The following IL15 variants were observed in gnomAD, a reference collection of about 807,000 sequenced individuals.
The protein encoded by IL15 is interleukin-15.
A neutral mutation model predicts 19.6 loss-of-function variants in IL15; 11 were observed. That is an observed-to-expected ratio of 0.56 (90% CI 0.35 to 0.93). IL15 has a LOEUF of 0.93. Among genes scored for constraint, IL15 ranks in the 40% least tolerant of loss-of-function variants. The probability of loss-of-function intolerance (pLI) is 0.01; values close to 1 mark genes in which losing one functional copy is unlikely to be tolerated. For missense variants in IL15, 197 were observed against 186.5 expected (o/e 1.06, Z -0.33); for synonymous variants, 58 against 59.6 (o/e 0.97, Z 0.12).
chr4:141,651,799 G>T (rs1727416729), intron 1 of IL15, among the ~76,000 whole-genome samples: 1 of 151,986 alleles, frequency 6.6e-6, no homozygotes, highest in Admixed American at 6.6e-5. Flanking sequence ...AGTTAATAAT[G>T]CAGGCTTAGT....
intron 2 of IL15, among the ~76,000 whole-genome samples, chr4:141,685,094 T>C (rs930800833): frequency 6.6e-6 from 1 of 152,194 alleles, no homozygotes; most frequent in Non-Finnish European, 1.5e-5. Flanking sequence ...TTTATTAAAC[T>C]TCTGTCATGT....
chr4:141,730,200 C>G (rs1730406563), intron 7 of IL15, among the ~76,000 whole-genome samples: 1 of 152,064 alleles, frequency 6.6e-6, no homozygotes, highest in Non-Finnish European at 1.5e-5. Context: ...AGAATAATGC[C>G]AGGTAGTGTG....
At position 141,733,217 on chromosome 4, in the gene IL15, A is replaced by G. The variant is rs1560943726; in HGVS notation, c.*369A>G. ...TTTGTTTAAGGGTGATAGTCAAATT[A>G]TGTATTGGTGGGGCTGGGTACCAAT... On this transcript the variant is annotated 3_prime_UTR_variant, in exon 8 of 8. Coordinates refer to ENST00000320650, the MANE Select transcript of IL15 (RefSeq NM_000585.5). 1 of 176,916 alleles carries G rather than the reference A, an allele frequency of 5.7e-6. No individual in the cohort carries two copies. The highest frequency in any genetic ancestry group is 1.2e-5 in the Non-Finnish European group (1 of 85,834). The allele number at this position is 176,916 out of a possible 1,614,324, so 11.0% of individuals were successfully genotyped here. A position where few individuals can be genotyped will look rare whatever the true frequency, so the allele number is the denominator to read the frequency against.
chr4:141,705,674 T>C (rs1403602434), intron 2 of IL15, among the ~76,000 whole-genome samples: 2 of 152,098 alleles, frequency 1.3e-5, no homozygotes, highest in African/African-American at 2.4e-5. Flanking sequence ...AAGTGGTATA[T>C]TGAAGCCCTC....
chr4:141,719,971 A>C (rs977916332), intron 3 of IL15, among the ~76,000 whole-genome samples: 10 of 152,188 alleles, frequency 6.6e-5, no homozygotes, highest in African/African-American at 2.4e-4. Context: ...GATGGAATAC[A>C]GTATCTGTAA....
chr4:141,651,150 A>G (rs529392450), intron 1 of IL15, among the ~76,000 whole-genome samples: 7 of 151,952 alleles, frequency 4.6e-5, no homozygotes, highest in Non-Finnish European at 1.0e-4. Context: ...GCGTGTGTGT[A>G]TATATACACA....
intron 2 of IL15, among the ~76,000 whole-genome samples, chr4:141,674,984 T>C (rs1025955470): frequency 9.8e-5 from 15 of 152,310 alleles, no homozygotes; most frequent in Non-Finnish European, 2.1e-4. Context: ...CAGGCTGGGC[T>C]CTTAGCTGGC....
chr4:141,678,891 C>T (rs1293781585), intron 2 of IL15, among the ~76,000 whole-genome samples: 9 of 152,310 alleles, frequency 5.9e-5, no homozygotes, highest in South Asian at 2.1e-4. Context: ...TGAGCCACCA[C>T]GCCCGGCCTC....
intron 2 of IL15, among the ~76,000 whole-genome samples, chr4:141,709,763 A>G (rs1729651335): frequency 6.6e-6 from 1 of 152,002 alleles, no homozygotes; most frequent in South Asian, 2.1e-4. Context: ...GGTTTTATTT[A>G]TTTATTTTCT....
chr4:141,733,079 T>G lies in IL15; in HGVS notation c.*231T>G, dbSNP rs1730505876. On this transcript the variant is annotated 3_prime_UTR_variant, in exon 8 of 8. Transcript: ENST00000320650. The stretch of plus-strand genomic sequence containing the variant: ...GACTTACTTTACTCATTTTTTTAAT[T>G]TATTATTGAAATTGTACATATTTGT... 1 of 410,174 alleles carries G rather than the reference T, an allele frequency of 2.4e-6. No homozygotes were observed. Among genetic ancestry groups the G allele is most frequent in the Non-Finnish European group, 3.9e-6 (1 of 253,192 alleles). The allele number at this position is 410,174 out of a possible 1,614,324, so 25.4% of individuals were successfully genotyped here. A position where few individuals can be genotyped will look rare whatever the true frequency, so the allele number is the denominator to read the frequency against.
intron 2 of IL15, among the ~76,000 whole-genome samples, chr4:141,662,802 C>T (rs1175702432): frequency 6.6e-6 from 1 of 152,044 alleles, no homozygotes; most frequent in Non-Finnish European, 1.5e-5. Flanking sequence ...TTGCATATTA[C>T]ATTCTATCTA....
At chr4:141,653,373 T>C (rs13148537) in intron 1 of IL15, among the ~76,000 whole-genome samples, 114 of 152,314 alleles carry the variant, frequency 7.5e-4, no homozygotes, top group African/African-American at 2.6e-3. Context: ...TATTTTGTGG[T>C]ATTTTGATTT....
rs561586290 is a variant in IL15 at position 141,727,650 on chromosome 4, A to T, written c.196-290A>T. On this transcript the variant is annotated intron_variant, in intron 5 of 7. Coordinates refer to ENST00000320650, the MANE Select transcript of IL15 (RefSeq NM_000585.5). ...ACTTCACACATATGCAAGCACACAC[A>T]CTGTGGCACATAAAACTTGTGAAAT... Among the ~76,000 whole-genome samples, 7 of 152,276 alleles carry T rather than the reference A, an allele frequency of 4.6e-5. No individual in the cohort carries two copies. The South Asian group carries it at 1.4e-3, about 32-fold the overall frequency.
chr4:141,678,572 GA>G (rs113596407), intron 2 of IL15, among the ~76,000 whole-genome samples: 233 of 131,338 alleles, frequency 1.8e-3, no homozygotes, highest in African/African-American at 2.9e-3. Context: ...TGCACACAAT[GA>G]AAAAAAAAAA....
rs186763349 is a variant in IL15 at position 141,685,111 on chromosome 4, C to T, written c.-100+28804C>T. 8.0e-4 allele frequency among the ~76,000 whole-genome samples: 122 copies of T among 152,092 alleles called. 3 individuals carry two copies. The Middle Eastern group carries it at 0.01, about 13-fold the overall frequency. On this transcript the variant is annotated intron_variant, in intron 2 of 7. Coordinates refer to ENST00000320650, the MANE Select transcript of IL15 (RefSeq NM_000585.5). ...TATTAAACTTCTGTCATGTACGTTG[C>T]GATGTTATACACTATAGGAGATACA...
chr4:141,722,120 G>A, intron 5 of IL15, 112 bp downstream of exon 5: 2 of 1,286,914 alleles, frequency 1.6e-6, no homozygotes, highest in Middle Eastern at 2.8e-4. Context: ...TAATATTTTT[G>A]TAGAAATTTA....
chr4:141,678,273 T>A (rs548734428), intron 2 of IL15, among the ~76,000 whole-genome samples: 31 of 152,336 alleles, frequency 2.0e-4, no homozygotes, highest in African/African-American at 6.0e-4. Flanking sequence ...AAGCTTTGAT[T>A]TCTACTTTCT....
At chr4:141,693,139 G>T (rs1728978279) in intron 2 of IL15, among the ~76,000 whole-genome samples, 1 of 151,376 alleles carries the variant, frequency 6.6e-6, no homozygotes, top group South Asian at 2.1e-4. Context: ...TACAATCATG[G>T]CAGAAGGCAA....
At chr4:141,718,020 G>A (rs1156416297) in intron 2 of IL15, 1 of 152,058 alleles carries the variant, frequency 6.6e-6, no homozygotes, top group African/African-American at 2.4e-5. Flanking sequence ...TACTTTTGAG[G>A]ACATTTTCTA....
Sources: gnomAD v4.1 joint callset for allele counts (sites outside exome capture counted in the v4.1 genomes callset) on GRCh38, gnomAD v4.1.1 for gene constraint, MANE v1.5 for transcripts, NCBI Gene and HGNC (gene_info 2026-07-23, HGNC 2026-07-21) for gene names.